Variants in KIAA1328 observed in about 807,000 individuals in gnomAD.
KIAA1328 encodes the protein protein hinderin.
KIAA1328 carries 52 observed loss-of-function variants against 68.1 expected under a neutral mutation model. The observed-to-expected ratio is 0.76, with a 90% CI of 0.61 to 0.96. KIAA1328 has a LOEUF of 0.96. KIAA1328 is among the 40% of genes least tolerant of loss of function. KIAA1328 has a pLI of 0.00. For synonymous variants in KIAA1328, 232 were observed against 239.4 expected (o/e 0.97, Z 0.28); for missense variants, 641 against 677.6 (o/e 0.95, Z 0.60).
intron 7 of KIAA1328, among the ~76,000 whole-genome samples, chr18:37,081,681 G>A (rs998376171): frequency 1.3e-5 from 2 of 152,094 alleles, no homozygotes; most frequent in South Asian, 2.1e-4. Context: ...CTACCCATTT[G>A]TCCCACTTTT....
intron 6 of KIAA1328, among the ~76,000 whole-genome samples, chr18:37,031,333 CTTGAATTTAGCTATTAGA>C: frequency 6.6e-6 from 1 of 151,870 alleles, no homozygotes. Context: ...CACTATGTAT[CTTGAATTTAGCTATTAGA>C]TTCATTCAAA....
intron 5 of KIAA1328, among the ~76,000 whole-genome samples, chr18:36,898,220 G>T (rs2151022562): frequency 6.6e-6 from 1 of 151,932 alleles, no homozygotes; most frequent in Middle Eastern, 3.4e-3. Context: ...GAAGATTTTT[G>T]TTGTTTTGCC....
At chr18:37,074,109 A>G (rs908584099) in intron 7 of KIAA1328, among the ~76,000 whole-genome samples, 1 of 152,170 alleles carries the variant, frequency 6.6e-6, no homozygotes, top group African/African-American at 2.4e-5. Context: ...AGTTTTTCCC[A>G]TGTTTGGCTG....
chr18:36,942,067 C>T (rs2050734422), intron 5 of KIAA1328, among the ~76,000 whole-genome samples: 1 of 152,130 alleles, frequency 6.6e-6, no homozygotes, highest in East Asian at 1.9e-4. Context: ...GAAAGGGTTG[C>T]AGCTTCTGAG....
chr18:37,043,907 C>T (rs892276661), intron 6 of KIAA1328, among the ~76,000 whole-genome samples: 2 of 152,130 alleles, frequency 1.3e-5, no homozygotes, highest in African/African-American at 4.8e-5. Context: ...CCTGCCTCAT[C>T]CAGTCAGTTC....
At chr18:37,014,158 A>G (rs322641) in intron 6 of KIAA1328, among the ~76,000 whole-genome samples, 111,420 of 152,160 alleles carry the variant, frequency 0.73, 43,940 homozygotes, top group South Asian at 0.89. Flanking sequence ...AGAAGTGTCC[A>G]TTCATGTCTT....
rs1298278555 is a variant in KIAA1328 at position 37,173,069 on chromosome 18, A to T, written c.1511A>T (p.His504Leu). 5 of 1,610,274 alleles carry T rather than the reference A, an allele frequency of 3.1e-6. No individual in the cohort carries two copies. In the Middle Eastern group the frequency reaches 5.0e-4, roughly 160 times the overall value. ...ACCACAGCCTCACCATCATTACAGC[A>T]CACCACCTCCCGGTAAGCTTCAGAG... Reference protein sequence around the residue: ...FVTTASPSLQHTTSRYETSLL... With the variant: ...FVTTASPSLQLTTSRYETSLL... Residue 504 changes from histidine to leucine, a missense_variant, in exon 9 of 10, where the codon CAC (histidine) becomes CTC (leucine). His to Leu is a moderately conservative substitution (Grantham distance 99). Transcript: ENST00000280020.
chr18:37,188,266 T>C (rs1486289324), intron 9 of KIAA1328, among the ~76,000 whole-genome samples: 1 of 152,184 alleles, frequency 6.6e-6, no homozygotes, highest in Non-Finnish European at 1.5e-5. Context: ...GGCTCATGAC[T>C]GAGAAATGTG....
chr18:37,209,864 T>C (rs546810237), intron 9 of KIAA1328, among the ~76,000 whole-genome samples: 1 of 152,090 alleles, frequency 6.6e-6, no homozygotes, highest in African/African-American at 2.4e-5. Context: ...AGGGGCAAGG[T>C]TGATATTGGA....
intron 5 of KIAA1328, chr18:36,921,005 C>T (rs752550917): frequency 6.6e-6 from 1 of 152,218 alleles, no homozygotes; most frequent in Non-Finnish European, 1.5e-5. Flanking sequence ...GTGCTGTGGC[C>T]TGGCAACTGC....
At position 37,174,913 on chromosome 18, in the gene KIAA1328, C is replaced by T. The variant is rs1314569761; in HGVS notation, c.1523+1832C>T. Among the ~76,000 whole-genome samples, 6 of 152,104 alleles carry T rather than the reference C, an allele frequency of 3.9e-5. No homozygotes were observed. The East Asian group carries it at 7.7e-4, about 20-fold the overall frequency. On this transcript the variant is annotated intron_variant, in intron 9 of 9. Transcript: ENST00000280020. ...GTCTCGATCTCTTGCCCTCATGATCCGCCCGCCTTGGCCTCCCAAAGTGCT... is the reference window on the plus strand; with the variant it reads ...GTCTCGATCTCTTGCCCTCATGATCTGCCCGCCTTGGCCTCCCAAAGTGCT...
chr18:37,120,425 A>G (rs577305011), intron 7 of KIAA1328, among the ~76,000 whole-genome samples: 9 of 152,294 alleles, frequency 5.9e-5, no homozygotes, highest in Admixed American at 5.9e-4. Flanking sequence ...ATGGTGAAAA[A>G]AAAATCAACT....
chr18:36,880,841 T>G (rs992244506), intron 4 of KIAA1328, among the ~76,000 whole-genome samples: 1 of 152,146 alleles, frequency 6.6e-6, no homozygotes, highest in African/African-American at 2.4e-5. Context: ...GCATATGAGA[T>G]TTGTCCTTTA....
chr18:37,003,585 A>C (rs2053669621), intron 6 of KIAA1328, among the ~76,000 whole-genome samples: 1 of 152,092 alleles, frequency 6.6e-6, no homozygotes, highest in Non-Finnish European at 1.5e-5. Flanking sequence ...GAAGCTCTTT[A>C]GTTTAATTAA....
chr18:37,014,867 G>A (rs370135493), intron 6 of KIAA1328, among the ~76,000 whole-genome samples: 1 of 151,958 alleles, frequency 6.6e-6, no homozygotes, highest in Non-Finnish European at 1.5e-5. Flanking sequence ...TACAGTTTGA[G>A]GTCTTACATT....
chr18:37,041,956 A>T (rs1247426531), intron 6 of KIAA1328, among the ~76,000 whole-genome samples: 1 of 152,108 alleles, frequency 6.6e-6, no homozygotes, highest in Non-Finnish European at 1.5e-5. Context: ...CAGTGGTGCA[A>T]TCACAGCCTC....
At chr18:36,923,748 A>G (rs954160201) in intron 5 of KIAA1328, 3 of 152,254 alleles carry the variant, frequency 2.0e-5, no homozygotes, top group Middle Eastern at 3.2e-3. Context: ...TAAATTAATT[A>G]TAATTCAGTA....
At chr18:36,867,307 C>G (rs2047787099) in intron 4 of KIAA1328, among the ~76,000 whole-genome samples, 1 of 152,178 alleles carries the variant, frequency 6.6e-6, no homozygotes, top group Admixed American at 6.5e-5. Flanking sequence ...CCATCTTGCT[C>G]CTGCTTTCAC....
intron 9 of KIAA1328, among the ~76,000 whole-genome samples, chr18:37,185,497 A>G (rs945031915): frequency 6.6e-6 from 1 of 152,160 alleles, no homozygotes; most frequent in Non-Finnish European, 1.5e-5. Context: ...AATGTAGGCT[A>G]CATGCTTTGC....
Sources: gnomAD v4.1 joint callset for allele counts (sites outside exome capture counted in the v4.1 genomes callset) on GRCh38, gnomAD v4.1.1 for gene constraint, MANE v1.5 for transcripts, NCBI Gene and HGNC (gene_info 2026-07-23, HGNC 2026-07-21) for gene names.